The following LRRC56 variants were observed in gnomAD, a reference collection of about 807,000 sequenced individuals.
LRRC56 encodes leucine rich repeat containing 56, also known as leucine-rich repeat-containing protein 56.
Under a neutral mutation model 47.8 loss-of-function variants are expected in LRRC56, and 41 were observed. The observed-to-expected ratio is 0.86, with a 90% CI of 0.67 to 1.11. LRRC56 has a LOEUF of 1.11. LRRC56 is among the 50% of genes most tolerant of loss of function. The pLI is 0.00. For missense variants in LRRC56, 759 were observed against 704.2 expected (o/e 1.08, Z -0.88); for synonymous variants, 387 against 311.2 (o/e 1.24, Z -2.56).
At chr11:550,351 C>T in intron 8 of LRRC56, 79 bp downstream of exon 8, 1 of 1,357,296 alleles carries the variant, frequency 7.4e-7, no homozygotes, top group Admixed American at 2.5e-5. Context: ...GGCCCCTCCT[C>T]TGGCCAGGTA....
At chr11:542,460 T>C (rs1851840565) in intron 5 of LRRC56, among the ~76,000 whole-genome samples, 1 of 151,092 alleles carries the variant, frequency 6.6e-6, no homozygotes, top group Admixed American at 6.6e-5. Context: ...AATAAAAAAT[T>C]AGACAGGCAT....
At chr11:524,320 A>G in the LRRC56 span, among the ~76,000 whole-genome samples, 1 of 152,232 alleles carries the variant, frequency 6.6e-6, no homozygotes, top group East Asian at 1.9e-4. Flanking sequence ...ACCAAGGTAC[A>G]CAAGCAATTC....
chr11:517,237 GTGCTAAGATTACAGCCTC>G, the LRRC56 span, among the ~76,000 whole-genome samples: 1 of 152,242 alleles, frequency 6.6e-6, no homozygotes, highest in Non-Finnish European at 1.5e-5. Flanking sequence ...GCCTCCCAAA[GTGCTAAGATTACAGCCTC>G]TGCCCGGCCG....
chr11:554,334 G>A lies in LRRC56; in HGVS notation c.*58G>A, dbSNP rs1852636311. Reference sequence around the variant, plus strand: ...GGGCCACGACTTGCCCACATATGTGGTCACAGAGCACAGAATACCTGGGCG... The same window carrying A: ...GGGCCACGACTTGCCCACATATGTGATCACAGAGCACAGAATACCTGGGCG... On this transcript the variant is annotated 3_prime_UTR_variant, in exon 14 of 14. Transcript: ENST00000270115. 7.1e-7 allele frequency: 1 copy of A among 1,401,086 alleles called. No homozygotes were observed. The highest frequency in any genetic ancestry group is 9.4e-7 in the Non-Finnish European group (1 of 1,064,102). 86.8% of individuals were successfully genotyped at this position (1,401,086 alleles called of 1,614,324 possible).
At chr11:544,835 C>G in intron 6 of LRRC56, 55 bp downstream of exon 6, 1 of 1,494,864 alleles carries the variant, frequency 6.7e-7, no homozygotes, top group Non-Finnish European at 9.2e-7. Context: ...TCCGATGGGA[C>G]AGGCCCTGCA....
chr11:550,862 G>T (rs541535240), intron 8 of LRRC56, among the ~76,000 whole-genome samples: 137 of 152,268 alleles, frequency 9.0e-4, no homozygotes, highest in African/African-American at 3.2e-3. Flanking sequence ...TGAGCTGAGG[G>T]CAGTTCCATG....
At chr11:535,269 G>A (rs1370063503), upstream of LRRC56, 5 of 138,030 alleles carry the variant, frequency 3.6e-5, no homozygotes, top group Non-Finnish European at 6.4e-5. Flanking sequence ...GTGCCCGCGG[G>A]CCCCGCCCGG....
Position 541,186 on chromosome 11 carries a change from G to A in LRRC56, c.177+325G>A, listed in dbSNP as rs1265447139. On this transcript the variant is annotated intron_variant, in intron 4 of 13. Transcript: ENST00000270115. The surrounding 1 kb of genome is among the most constrained non-coding windows in gnomAD (Gnocchi z 4.1). Reference sequence around the variant, plus strand: ...CATTATCCTCCAACCAAAGAGGGGGGTCCTTCACTCAAGCGGGAGACCAGA... The same window carrying A: ...CATTATCCTCCAACCAAAGAGGGGGATCCTTCACTCAAGCGGGAGACCAGA... Among the ~76,000 whole-genome samples the A allele has an allele frequency of 1.3e-5, 2 of 152,170 alleles. No homozygotes were observed. Among genetic ancestry groups the A allele is most frequent in the Non-Finnish European group, 2.9e-5 (2 of 68,018 alleles).
the LRRC56 span, among the ~76,000 whole-genome samples, chr11:522,699 T>A: frequency 2.6e-5 from 4 of 152,074 alleles, no homozygotes; most frequent in Admixed American, 1.3e-4. Flanking sequence ...TCACCTGCCC[T>A]TTTTTTGTTT....
the LRRC56 span, among the ~76,000 whole-genome samples, chr11:512,558 C>T: frequency 1.3e-5 from 2 of 152,228 alleles, no homozygotes; most frequent in South Asian, 4.1e-4. Flanking sequence ...CATACGTTTG[C>T]GTTTACATGG....
chr11:506,582 C>G, the LRRC56 span: 1 of 152,230 alleles, frequency 6.6e-6, no homozygotes, highest in Non-Finnish European at 1.5e-5. Flanking sequence ...CCTCCCTCCC[C>G]GACCTCGCAC....
chr11:510,170 G>T, the LRRC56 span, among the ~76,000 whole-genome samples: 3 of 152,162 alleles, frequency 2.0e-5, no homozygotes, highest in Admixed American at 2.0e-4. Context: ...CCAGGGACAG[G>T]CTGAGGCAAG....
chr11:517,982 A>C, the LRRC56 span, among the ~76,000 whole-genome samples: 1 of 152,156 alleles, frequency 6.6e-6, no homozygotes, highest in Non-Finnish European at 1.5e-5. Context: ...GCTCGTTAAG[A>C]GTCATCACCA....
the LRRC56 span, chr11:528,683 A>G: frequency 2.0e-5 from 3 of 152,206 alleles, no homozygotes; most frequent in Non-Finnish European, 4.4e-5. Flanking sequence ...GGTGACAGTG[A>G]CAAGGACCTG....
At chr11:542,583 A>AAAAAAAAAAAAAAAAAAAAAAAAAAAAC (rs1564799172) in intron 5 of LRRC56, among the ~76,000 whole-genome samples, 1 of 144,304 alleles carries the variant, frequency 6.9e-6, no homozygotes, top group African/African-American at 2.6e-5. Flanking sequence ...CCTGTCGCAA[A>AAAAAAAAAAAAAAAAAAAAAAAAAAAAC]AAAAAAAAAA....
At chr11:510,501 G>A in the LRRC56 span, among the ~76,000 whole-genome samples, 1 of 152,084 alleles carries the variant, frequency 6.6e-6, no homozygotes, top group Admixed American at 6.6e-5. Flanking sequence ...ATGTTGGGAG[G>A]CCAAGGCAGG....
chr11:522,483 C>A, the LRRC56 span, among the ~76,000 whole-genome samples: 1 of 152,060 alleles, frequency 6.6e-6, no homozygotes, highest in African/African-American at 2.4e-5. Context: ...AGCCAGGATA[C>A]TCTCGATCTC....
chr11:511,076 C>T, the LRRC56 span, among the ~76,000 whole-genome samples: 1 of 152,014 alleles, frequency 6.6e-6, no homozygotes, highest in Non-Finnish European at 1.5e-5. Flanking sequence ...CATCCCAGCA[C>T]TTTGGGAGGC....
At chr11:524,260 G>A in the LRRC56 span, among the ~76,000 whole-genome samples, 2 of 152,174 alleles carry the variant, frequency 1.3e-5, no homozygotes, top group Admixed American at 6.5e-5. Context: ...GAGGGAAGAC[G>A]ATGGAGATCC....
Sources: allele counts gnomAD v4.1 joint callset (sites outside exome capture counted in the v4.1 genomes callset), GRCh38; gene constraint gnomAD v4.1.1; non-coding constraint Gnocchi (gnomAD v3.1); transcripts MANE v1.5; gene names NCBI Gene and HGNC (gene_info 2026-07-23, HGNC 2026-07-21).